Variants in NCOA1 observed in about 807,000 individuals in gnomAD.
NCOA1 encodes Hin-2 protein.
Under a neutral mutation model 150.9 loss-of-function variants are expected in NCOA1, and 35 were observed. That is an observed-to-expected ratio of 0.23 (90% confidence interval 0.18 to 0.31). NCOA1 has a LOEUF of 0.31. Among genes scored for constraint, NCOA1 ranks in the 10% least tolerant of loss-of-function variants. The pLI is 1.00. For synonymous variants in NCOA1, 590 were observed against 630.0 expected (o/e 0.94, Z 0.95); for missense variants, 1,491 against 1,749.3 (o/e 0.85, Z 2.63).
At chr2:24,513,946 T>G (rs1402990930) in intron 1 of NCOA1, among the ~76,000 whole-genome samples, 1 of 152,134 alleles carries the variant, frequency 6.6e-6, no homozygotes, top group Non-Finnish European at 1.5e-5. Flanking sequence ...ACTAACTTAT[T>G]CTGGTATAAA....
chr2:24,703,800 T>A (rs1673283948), intron 11 of NCOA1, among the ~76,000 whole-genome samples: 1 of 152,202 alleles, frequency 6.6e-6, no homozygotes, highest in Non-Finnish European at 1.5e-5. Context: ...ATTGGTAATT[T>A]TAAGCCTCTT....
chr2:24,681,502 A>G (rs1027219946), intron 7 of NCOA1, among the ~76,000 whole-genome samples: 1 of 152,240 alleles, frequency 6.6e-6, no homozygotes, highest in Non-Finnish European at 1.5e-5. Context: ...CGACATTTTC[A>G]GTATCACGTC....
intron 3 of NCOA1, among the ~76,000 whole-genome samples, chr2:24,625,039 T>C (rs1431443204): frequency 6.6e-6 from 1 of 152,226 alleles, no homozygotes; most frequent in Non-Finnish European, 1.5e-5. Flanking sequence ...AAACTTTGTT[T>C]ATGGACAGTG....
At chr2:24,725,295 G>A (rs1379582719) in intron 14 of NCOA1, among the ~76,000 whole-genome samples, 3 of 152,156 alleles carry the variant, frequency 2.0e-5, no homozygotes, top group African/African-American at 7.2e-5. Context: ...TGACTAGGTG[G>A]CTTAAACAAC....
At chr2:24,625,418 A>G (rs1558850442) in intron 3 of NCOA1, among the ~76,000 whole-genome samples, 1 of 150,838 alleles carries the variant, frequency 6.6e-6, no homozygotes, top group Non-Finnish European at 1.5e-5. Flanking sequence ...GTTCATGGCC[A>G]CATGAACTGG....
intron 17 of NCOA1, among the ~76,000 whole-genome samples, chr2:24,732,361 A>C (rs1300450370): frequency 6.6e-6 from 1 of 152,350 alleles, no homozygotes; most frequent in East Asian, 1.9e-4. Context: ...TATAAGCCCC[A>C]TGTATGTCTA....
At chr2:24,634,894 T>C (rs1669874044) in intron 3 of NCOA1, among the ~76,000 whole-genome samples, 1 of 152,000 alleles carries the variant, frequency 6.6e-6, no homozygotes, top group African/African-American at 2.4e-5. Context: ...TTTTAAATTG[T>C]TTTGTAGAGA....
At chr2:24,725,956 G>A (rs1340711436) in intron 14 of NCOA1, among the ~76,000 whole-genome samples, 1 of 152,004 alleles carries the variant, frequency 6.6e-6, no homozygotes, top group African/African-American at 2.4e-5. Context: ...GTACAGAGAT[G>A]ATCATAAAGC....
chr2:24,550,887 T>A (rs1006458330), intron 1 of NCOA1, among the ~76,000 whole-genome samples: 1 of 152,168 alleles, frequency 6.6e-6, no homozygotes, highest in African/African-American at 2.4e-5. Flanking sequence ...GGCGGGTGGA[T>A]CACTTGAGGT....
At chr2:24,614,438 C>G (rs1668784432) in intron 3 of NCOA1, among the ~76,000 whole-genome samples, 1 of 151,466 alleles carries the variant, frequency 6.6e-6, no homozygotes, top group Admixed American at 6.6e-5. Flanking sequence ...TCATGTTGTT[C>G]AGGCTACTCT....
At chr2:24,739,848 T>G (rs1295155569) in intron 18 of NCOA1, among the ~76,000 whole-genome samples, 1 of 152,154 alleles carries the variant, frequency 6.6e-6, no homozygotes, top group Non-Finnish European at 1.5e-5. Context: ...TACGAAACTG[T>G]GTGAACGGTA....
rs569380604 is a variant in NCOA1, at chr2:24,693,411, A to G, written c.808+64A>G. On this transcript the variant is annotated intron_variant, in intron 10 of 22. Coordinates refer to ENST00000348332, the MANE Select transcript of NCOA1 (RefSeq NM_003743.5). ...ATAATGTGACTCTGCCCTTAAAACT[A>G]ATTATATCCAGAATGTCTTTCTGTT... 9.1e-6 allele frequency: 12 copies of G among 1,323,050 alleles called. No individual in the cohort carries two copies. In the South Asian group the frequency reaches 1.4e-4, roughly 16 times the overall value. 82.0% of individuals were successfully genotyped at this position (1,323,050 alleles called of 1,614,324 possible).
chr2:24,647,702 A>G (rs892260143), intron 4 of NCOA1, among the ~76,000 whole-genome samples: 1 of 152,194 alleles, frequency 6.6e-6, no homozygotes, highest in African/African-American at 2.4e-5. Flanking sequence ...ATGCATATTA[A>G]TGGGCTTACA....
intron 1 of NCOA1, among the ~76,000 whole-genome samples, chr2:24,518,003 G>A (rs1333907142): frequency 6.6e-6 from 1 of 152,036 alleles, no homozygotes; most frequent in Non-Finnish European, 1.5e-5. Flanking sequence ...CTTACTATGT[G>A]TTTTTGTTCT....
chr2:24,719,812 G>GT (rs1674267498), intron 14 of NCOA1, among the ~76,000 whole-genome samples: 1 of 152,106 alleles, frequency 6.6e-6, no homozygotes, highest in Non-Finnish European at 1.5e-5. Flanking sequence ...ATCTCCTTGA[G>GT]TTTATAGAAA....
intron 3 of NCOA1, among the ~76,000 whole-genome samples, chr2:24,634,415 GT>G (rs1310713770): frequency 6.6e-6 from 1 of 152,138 alleles, no homozygotes; most frequent in Non-Finnish European, 1.5e-5. Context: ...AAACAAGAAT[GT>G]TTTCTAGATT....
intron 2 of NCOA1, among the ~76,000 whole-genome samples, chr2:24,581,154 G>A (rs938837480): frequency 6.6e-6 from 1 of 152,236 alleles, no homozygotes; most frequent in African/African-American, 2.4e-5. Flanking sequence ...CAGGGTGATA[G>A]TCTCTTTACT....
chr2:24,649,004 A>T (rs571920111), intron 4 of NCOA1, among the ~76,000 whole-genome samples: 1 of 152,196 alleles, frequency 6.6e-6, no homozygotes, highest in East Asian at 1.9e-4. Context: ...TCTGGCTTCT[A>T]GCTGTTTTTC....
chr2:24,745,156 TC>T (rs373179605), intron 19 of NCOA1, among the ~76,000 whole-genome samples: 2 of 149,070 alleles, frequency 1.3e-5, no homozygotes, highest in Non-Finnish European at 3.0e-5. Flanking sequence ...TTTTCTTTTT[TC>T]TTTTTTTTTT....
Sources: gnomAD v4.1 joint callset for allele counts (sites outside exome capture counted in the v4.1 genomes callset) on GRCh38, gnomAD v4.1.1 for gene constraint, MANE v1.5 for transcripts, NCBI Gene and HGNC (gene_info 2026-07-23, HGNC 2026-07-21) for gene names.